ZFYVE9: variants seen among roughly 807,000 people sequenced by gnomAD.
ZFYVE9 encodes the protein zinc finger FYVE-type containing 9, also known as zinc finger FYVE domain-containing protein 9.
A neutral mutation model predicts 126.7 loss-of-function variants in ZFYVE9; 43 were observed. The observed-to-expected ratio is 0.34, with a 90% confidence interval of 0.27 to 0.44. The LOEUF is 0.44. Ranked by LOEUF, ZFYVE9 falls within the 20% of genes least tolerant of loss-of-function variation. The pLI, the probability that ZFYVE9 is intolerant of heterozygous loss-of-function variation, is 1.00. For missense variants in ZFYVE9, 1,476 were observed against 1,697.0 expected (o/e 0.87, Z 2.29); for synonymous variants, 521 against 597.4 (o/e 0.87, Z 1.87).
Position 52,237,732 on chromosome 1 carries a change from T to C in ZFYVE9, c.315T>C (p.Ile105=). 1.2e-6 allele frequency: 2 copies of C among 1,614,100 alleles called. No homozygotes were observed. The highest frequency in any genetic ancestry group is 1.7e-6 in the Non-Finnish European group (2 of 1,179,990). Residue 105 remains isoleucine (I), a synonymous_variant, in exon 4 of 19, where the codon ATT becomes ATC. Transcript: ENST00000287727. The stretch of plus-strand genomic sequence containing the variant: ...ATCCAGAGATTGCCACAATGTGGAT[T>C]GATGAAAATGCTGTTGCAGAAGACC... The part of the protein sequence containing the change: ...NLNPEIATMW[I]DENAVAEDQL...
intron 4 of ZFYVE9, among the ~76,000 whole-genome samples, chr1:52,247,872 T>G (rs1645404041): frequency 6.6e-6 from 1 of 152,152 alleles, no homozygotes; most frequent in African/African-American, 2.4e-5. Flanking sequence ...TTCTACCATC[T>G]GTTTGTATGA....
In ZFYVE9 at chr1:52,308,300, C is replaced by T. The variant is rs1269937495; in HGVS notation, c.3438+4375C>T. 3.3e-5 allele frequency among the ~76,000 whole-genome samples: 5 copies of T among 152,234 alleles called. No homozygotes were observed. The East Asian group carries it at 7.7e-4, about 24-fold the overall frequency. ...GGCTCAAGTGATCCTCCCACTTCAG[C>T]CTCCTAAGTAGCTGGGACTACAGGC... is the stretch of plus-strand genomic sequence containing the variant. On this transcript the variant is annotated intron_variant, in intron 13 of 18. Transcript: ENST00000287727.
rs567226267 is a variant in ZFYVE9, at chr1:52,180,612, A to G, written c.-142-35757A>G. ...TTGTCTGGATTTTTTAAAAAAGGAT[A>G]AAGTAAGAATGAATTCTTCTGGTTT... On this transcript the variant is annotated intron_variant, in intron 1 of 18. Transcript: ENST00000287727. 9.2e-5 allele frequency: 50 copies of G among 541,128 alleles called. No homozygotes were observed. In the South Asian group the frequency reaches 1.1e-3, roughly 12 times the overall value. 33.5% of individuals were successfully genotyped at this position (541,128 alleles called of 1,614,324 possible). A position where few individuals can be genotyped will look rare whatever the true frequency, so the allele number is the denominator to read the frequency against.
intron 13 of ZFYVE9, among the ~76,000 whole-genome samples, chr1:52,319,514 C>T (rs1255002464): frequency 2.0e-5 from 3 of 151,556 alleles, no homozygotes; most frequent in African/African-American, 4.9e-5. Flanking sequence ...ATCCCAGCTA[C>T]TCAGGAGGTT....
At position 52,229,136 on chromosome 1, in the gene ZFYVE9, G is replaced by A. The variant is rs532087417; in HGVS notation, c.-36-4035G>A. Among the ~76,000 whole-genome samples, 65 of 152,152 alleles carry A rather than the reference G, an allele frequency of 4.3e-4. 1 individual carries two copies. The highest frequency in any genetic ancestry group is 7.5e-4 in the Non-Finnish European group (51 of 67,986). ...CTCCACCTCAGCCTACCAAAGTACTGGGATTACAGATGTGAGCCACTGCGC... is the reference window on the plus strand; with the variant it reads ...CTCCACCTCAGCCTACCAAAGTACTAGGATTACAGATGTGAGCCACTGCGC... On this transcript the variant is annotated intron_variant, in intron 2 of 18. Transcript: ENST00000287727.
chr1:52,327,942 C>T (rs930945636), intron 13 of ZFYVE9, among the ~76,000 whole-genome samples: 2 of 151,744 alleles, frequency 1.3e-5, no homozygotes, highest in Admixed American at 1.3e-4. Context: ...CCACTGCACT[C>T]CAGCCTGGCC....
rs1406741762 is a variant in ZFYVE9, at chr1:52,341,519, T to C, written c.3939+1288T>C. Among the ~76,000 whole-genome samples, 3 of 152,258 alleles carry C rather than the reference T, an allele frequency of 2.0e-5. No homozygotes were observed. The East Asian group carries it at 5.8e-4, about 29-fold the overall frequency. On this transcript the variant is annotated intron_variant, in intron 17 of 18. Coordinates refer to ENST00000287727, the MANE Select transcript of ZFYVE9 (RefSeq NM_004799.4). ...AATACGAAAAAAATTTTAAAAGTTC[T>C]CGTAAGCTGGTAGATCTTAGATCCC...
intron 18 of ZFYVE9, 26 bp downstream of exon 18, chr1:52,344,970 A>G: frequency 6.2e-7 from 1 of 1,609,962 alleles, no homozygotes; most frequent in Non-Finnish European, 8.5e-7. Context: ...CGCAGCTTTT[A>G]AAGCTGGCCT....
chr1:52,168,413 C>T (rs2124521006), intron 1 of ZFYVE9, among the ~76,000 whole-genome samples: 2 of 151,986 alleles, frequency 1.3e-5, no homozygotes, highest in Middle Eastern at 6.8e-3. Context: ...GACGGGGTTT[C>T]ACCGTATTGG....
At chr1:52,335,454 G>A (rs1020143345) in intron 15 of ZFYVE9, among the ~76,000 whole-genome samples, 2 of 152,134 alleles carry the variant, frequency 1.3e-5, no homozygotes, top group African/African-American at 4.8e-5. Flanking sequence ...ACACGTCTGA[G>A]GCCTGGCCTG....
At chr1:52,274,047 A>T (rs1337851687) in intron 7 of ZFYVE9, among the ~76,000 whole-genome samples, 1 of 152,218 alleles carries the variant, frequency 6.6e-6, no homozygotes, top group Non-Finnish European at 1.5e-5. Context: ...TTAATTTTTA[A>T]AAGCAATATA....
At chr1:52,310,749 T>C (rs540369799) in intron 13 of ZFYVE9, among the ~76,000 whole-genome samples, 49 of 152,342 alleles carry the variant, frequency 3.2e-4, no homozygotes, top group Non-Finnish European at 2.9e-5. Context: ...TTACATTTTG[T>C]ATGTAACCAG....
At chr1:52,311,005 A>G (rs1646131668) in intron 13 of ZFYVE9, among the ~76,000 whole-genome samples, 1 of 152,160 alleles carries the variant, frequency 6.6e-6, no homozygotes, top group South Asian at 2.1e-4. Flanking sequence ...AGCTGGGACT[A>G]CAGGTGTGCA....
intron 13 of ZFYVE9, among the ~76,000 whole-genome samples, chr1:52,331,466 G>C (rs970276061): frequency 6.9e-6 from 1 of 145,846 alleles, no homozygotes; most frequent in Non-Finnish European, 1.5e-5. Context: ...AAAAAAAAAA[G>C]TGTCGGCCGG....
In ZFYVE9 at chr1:52,239,235, C is replaced by T; in HGVS notation, c.1818C>T (p.Asn606=). The T allele has an allele frequency of 6.2e-7, 1 of 1,614,010 alleles. No homozygotes were observed. The highest frequency in any genetic ancestry group is 8.5e-7 in the Non-Finnish European group (1 of 1,179,964). The stretch of plus-strand genomic sequence containing the variant: ...ATTTACAAAATGACTTTCCTGCAAA[C>T]AGTGGAAATAATACTAAAAATAAAA... ...SDHLQNDFPA[N]SGNNTKNKND... is the part of the protein sequence containing the mutation. The change falls in exon 4 of 19, where the codon AAC becomes AAT. Residue 606 remains asparagine (N), a synonymous_variant. Coordinates refer to ENST00000287727, the MANE Select transcript of ZFYVE9 (RefSeq NM_004799.4).
chr1:52,239,278 G>A lies in ZFYVE9; in HGVS notation c.1861G>A (p.Ala621Thr). Reference sequence around the variant, plus strand: ...AAATAAAAATGATATTCTTGGGAAAGCAAAATTAGGGGAAAACTCAGCAAC... The same window carrying A: ...AAATAAAAATGATATTCTTGGGAAAACAAAATTAGGGGAAAACTCAGCAAC... ...TKNKNDILGK[A>T]KLGENSATNV... is the part of the protein sequence containing the mutation. Residue 621 changes from alanine (A) to threonine (T), a missense_variant, in exon 4 of 19, where the codon GCA becomes ACA. Coordinates refer to ENST00000287727, the MANE Select transcript of ZFYVE9 (RefSeq NM_004799.4). 2 of 1,614,174 alleles carry A rather than the reference G, an allele frequency of 1.2e-6. No homozygotes were observed. The highest frequency in any genetic ancestry group is 1.7e-6 in the Non-Finnish European group (2 of 1,180,016).
intron 13 of ZFYVE9, among the ~76,000 whole-genome samples, chr1:52,319,050 T>C (rs1286948588): frequency 6.6e-6 from 1 of 152,190 alleles, no homozygotes; most frequent in African/African-American, 2.4e-5. Context: ...TGAGCTGAGA[T>C]TGTGTCACTG....
chr1:52,311,454 AG>A (rs1188993603), intron 13 of ZFYVE9, among the ~76,000 whole-genome samples: 1 of 151,790 alleles, frequency 6.6e-6, no homozygotes, highest in African/African-American at 2.4e-5. Context: ...TGGTAGAGAC[AG>A]GGTTTCACCA....
At chr1:52,300,411 G>GA (rs1392625117) in intron 12 of ZFYVE9, among the ~76,000 whole-genome samples, 2 of 151,944 alleles carry the variant, frequency 1.3e-5, no homozygotes, top group Non-Finnish European at 2.9e-5. Flanking sequence ...CTGATATGGT[G>GA]TAACCCCGTC....
Sources: gnomAD v4.1 joint callset for allele counts (sites outside exome capture counted in the v4.1 genomes callset) on GRCh38, gnomAD v4.1.1 for gene constraint, MANE v1.5 for transcripts, NCBI Gene and HGNC (gene_info 2026-07-23, HGNC 2026-07-21) for gene names.